The following ITPKB variants were observed in gnomAD, a reference collection of about 807,000 sequenced individuals.
The protein encoded by ITPKB is IP3 3-kinase B.
ITPKB carries 13 observed loss-of-function variants against 69.4 expected under a neutral mutation model. The ratio of observed to expected loss-of-function variants is 0.19; its 90% CI spans 0.12 to 0.30. ITPKB has a LOEUF of 0.30. Among genes scored for constraint, ITPKB ranks in the 10% least tolerant of loss-of-function variants. ITPKB has a pLI of 1.00. For synonymous variants in ITPKB, 584 were observed against 513.7 expected (o/e 1.14, Z -1.85); for missense variants, 1,240 against 1,250.5 (o/e 0.99, Z 0.13).
intron 2 of ITPKB, among the ~76,000 whole-genome samples, chr1:226,658,006 A>C (rs1468676175): frequency 6.6e-6 from 1 of 152,246 alleles, no homozygotes; most frequent in Non-Finnish European, 1.5e-5. Flanking sequence ...CGGGGAAGGC[A>C]CATCTAACAA....
Position 226,683,928 on chromosome 1 carries a change from A to G in ITPKB, c.1933-35157T>C, listed in dbSNP as rs560962121. 2.8e-4 allele frequency among the ~76,000 whole-genome samples: 43 copies of G among 152,262 alleles called. 1 individual carries two copies. In the East Asian group the frequency reaches 8.3e-3, roughly 29 times the overall value. On this transcript the variant is annotated intron_variant, in intron 2 of 7. Coordinates refer to ENST00000429204, the MANE Select transcript of ITPKB (RefSeq NM_002221.4). ...CTTCATTACAAAGAGATTTTGTTCA[A>G]TTGCTGGGCCAAAGTGGGAAATATT... is the stretch of plus-strand genomic sequence containing the variant.
chr1:226,691,146 CGTGACAGT>C (rs1656339769), intron 2 of ITPKB, among the ~76,000 whole-genome samples: 1 of 151,760 alleles, frequency 6.6e-6, no homozygotes. Flanking sequence ...GTGATGGCTG[CGTGACAGT>C]GTGAATGGAT....
chr1:226,664,815 T>A (rs1364698991), intron 2 of ITPKB, among the ~76,000 whole-genome samples: 1 of 152,238 alleles, frequency 6.6e-6, no homozygotes, highest in Non-Finnish European at 1.5e-5. Context: ...GCATGGAAAG[T>A]ATTTGCCTTG....
rs1328737959 is a variant in ITPKB at position 226,736,622 on chromosome 1, G to A, written c.837C>T (p.Gly279=). The change falls in exon 2 of 8, where the codon GGC becomes GGT. Residue 279 remains glycine (G), a synonymous_variant. Coordinates refer to ENST00000429204, the MANE Select transcript of ITPKB (RefSeq NM_002221.4). ...SPTAMEIDKR[G]SPTPGTRSCL... is the part of the protein sequence containing the mutation. ...AGCTCCGAGTTCCCGGGGTAGGAGA[G>A]CCCCTTTTGTCAATTTCCATAGCTG... is the stretch of plus-strand genomic sequence containing the variant. 3.1e-6 allele frequency: 5 copies of A among 1,613,572 alleles called. No homozygotes were observed. The highest frequency in any genetic ancestry group is 4.2e-6 in the Non-Finnish European group (5 of 1,180,014).
intron 2 of ITPKB, among the ~76,000 whole-genome samples, chr1:226,686,785 T>TC (rs1294026113): frequency 6.6e-6 from 1 of 152,250 alleles, no homozygotes; most frequent in African/African-American, 2.4e-5. Context: ...TGTCCGTTTT[T>TC]CCTAAGGCTT....
chr1:226,735,785 C>T lies in ITPKB; in HGVS notation c.1674G>A (p.Arg558=), dbSNP rs766876398. The change falls in exon 2 of 8, where the codon AGG becomes AGA. Residue 558 remains arginine, a synonymous_variant. Coordinates refer to ENST00000429204, the MANE Select transcript of ITPKB (RefSeq NM_002221.4). The stretch of plus-strand genomic sequence containing the variant: ...GTATGTTGCTGGGGCTGCAGGCCTT[C>T]CTCAGGAAAGGCTTGTCCGGATCTT... ...LPQDPDKPFL[R]KACSPSNIPA... 2 of 1,602,986 alleles carry T rather than the reference C, an allele frequency of 1.2e-6. No homozygotes were observed. Among genetic ancestry groups the T allele is most frequent in the South Asian group, 2.2e-5 (2 of 90,788 alleles).
At chr1:226,662,997 G>A (rs139690758) in intron 2 of ITPKB, among the ~76,000 whole-genome samples, 2,409 of 152,292 alleles carry the variant, frequency 0.016, 26 homozygotes, top group Non-Finnish European at 0.024. Context: ...CGGTTCAGCA[G>A]TCATGCATCT....
intron 2 of ITPKB, among the ~76,000 whole-genome samples, chr1:226,733,888 G>A (rs1353223055): frequency 3.3e-5 from 5 of 152,214 alleles, no homozygotes; most frequent in Non-Finnish European, 5.9e-5. Context: ...GACACAAACT[G>A]TTTTGACAAC....
chr1:226,723,171 G>C (rs760082905), intron 2 of ITPKB, among the ~76,000 whole-genome samples: 6 of 152,038 alleles, frequency 3.9e-5, no homozygotes. Flanking sequence ...CATCAGCTCC[G>C]TCCAGTCACC....
chr1:226,665,733 G>C (rs1233652472), intron 2 of ITPKB, among the ~76,000 whole-genome samples: 3 of 152,142 alleles, frequency 2.0e-5, no homozygotes, highest in Admixed American at 6.5e-5. Flanking sequence ...CATCACTGTG[G>C]TCGTGGCTGA....
intron 2 of ITPKB, among the ~76,000 whole-genome samples, chr1:226,730,796 G>A (rs1657568306): frequency 6.6e-6 from 1 of 152,162 alleles, no homozygotes; most frequent in African/African-American, 2.4e-5. Flanking sequence ...AAACTAGCCA[G>A]TACTAATCTA....
intron 3 of ITPKB, 36 bp from the exon 4 acceptor site, chr1:226,647,416 CT>C: frequency 6.6e-7 from 1 of 1,517,932 alleles, no homozygotes; most frequent in Middle Eastern, 1.7e-4. Context: ...TGGTCTCCGG[CT>C]GCAGGTAGCT....
chr1:226,649,853 C>CA (rs57488039), intron 2 of ITPKB, among the ~76,000 whole-genome samples: 24,708 of 140,932 alleles, frequency 0.18, 2,179 homozygotes, highest in Middle Eastern at 0.29. Flanking sequence ...AACAAAAAAA[C>CA]AAAAAAAAAA....
At chr1:226,704,185 A>T (rs982124187) in intron 2 of ITPKB, among the ~76,000 whole-genome samples, 3 of 152,020 alleles carry the variant, frequency 2.0e-5, no homozygotes, top group Non-Finnish European at 2.9e-5. Context: ...ATGAAAAAAG[A>T]GTGACTACGA....
intron 2 of ITPKB, among the ~76,000 whole-genome samples, chr1:226,725,413 C>A (rs1307110389): frequency 6.6e-6 from 1 of 152,224 alleles, no homozygotes; most frequent in Non-Finnish European, 1.5e-5. Flanking sequence ...AGCCCAGGGC[C>A]TGGCCATACA....
chr1:226,725,697 G>C (rs769340995), intron 2 of ITPKB, among the ~76,000 whole-genome samples: 2 of 152,160 alleles, frequency 1.3e-5, no homozygotes, highest in Admixed American at 6.5e-5. Flanking sequence ...GCCTTCCCTG[G>C]TGTCTGTTAC....
At chr1:226,711,156 TCAATTGGGTGC>T (rs150812672) in intron 2 of ITPKB, among the ~76,000 whole-genome samples, 4,282 of 152,108 alleles carry the variant, frequency 0.028, 203 homozygotes, top group African/African-American at 0.099. Flanking sequence ...GGGTGCTCAG[TCAATTGGGTGC>T]TCATAAATAG....
intron 2 of ITPKB, chr1:226,708,001 C>T (rs1197578665): frequency 2.6e-6 from 2 of 777,108 alleles, no homozygotes; most frequent in Non-Finnish European, 3.7e-6. Context: ...GGAAACTACC[C>T]ACCAAAGGTA....
At chr1:226,671,018 C>T (rs1669605594) in intron 2 of ITPKB, among the ~76,000 whole-genome samples, 1 of 152,214 alleles carries the variant, frequency 6.6e-6, no homozygotes, top group African/African-American at 2.4e-5. Flanking sequence ...CTTCAGTGCT[C>T]CTTCCTATAT....
Sources: allele counts gnomAD v4.1 joint callset (sites outside exome capture counted in the v4.1 genomes callset), GRCh38; gene constraint gnomAD v4.1.1; transcripts MANE v1.5; gene names NCBI Gene and HGNC (gene_info 2026-07-23, HGNC 2026-07-21).